The following RBFOX1 variants were observed in gnomAD, a reference collection of about 807,000 sequenced individuals.
RBFOX1 encodes RNA binding fox-1 homolog 1, also known as RNA binding protein fox-1 homolog 1.
In RBFOX1, 8 loss-of-function variants were observed where a neutral mutation model predicts 57.7. The observed-to-expected ratio is 0.14, with a 90% CI of 0.08 to 0.25. The LOEUF (loss-of-function observed/expected upper bound fraction) is 0.25, where lower values mean the gene tolerates loss of function less well. Among genes scored for constraint, RBFOX1 ranks in the 10% least tolerant of loss-of-function variants. The pLI, the probability that RBFOX1 is intolerant of heterozygous loss-of-function variation, is 1.00. For synonymous variants in RBFOX1, 326 were observed against 222.4 expected (o/e 1.47, Z -4.15); for missense variants, 611 against 548.5 (o/e 1.11, Z -1.14).
intron 3 of RBFOX1, among the ~76,000 whole-genome samples, chr16:5,669,307 C>T (rs1211651323): frequency 2.6e-5 from 4 of 152,198 alleles, no homozygotes; most frequent in Admixed American, 6.5e-5. Context: ...GCCTACCCAG[C>T]AGCAGGAGGG....
intron 3 of RBFOX1, among the ~76,000 whole-genome samples, chr16:6,875,219 T>A (rs1207070905): frequency 6.6e-6 from 1 of 152,220 alleles, no homozygotes; most frequent in East Asian, 1.9e-4. Context: ...ATGATGATGA[T>A]ATTATCACTA....
chr16:6,966,262 G>C (rs1388706388), intron 3 of RBFOX1, among the ~76,000 whole-genome samples: 2 of 152,110 alleles, frequency 1.3e-5, no homozygotes, highest in East Asian at 3.9e-4. Context: ...AGGGTAAAAT[G>C]AGCCTCCCGT....
chr16:7,346,378 G>C (rs1381185478), intron 4 of RBFOX1, among the ~76,000 whole-genome samples: 1 of 151,720 alleles, frequency 6.6e-6, no homozygotes, highest in African/African-American at 2.4e-5. Flanking sequence ...TTTAGTATTT[G>C]GTTCTAGCAA....
chr16:6,710,946 T>G (rs1041052111), intron 3 of RBFOX1, among the ~76,000 whole-genome samples: 2 of 152,210 alleles, frequency 1.3e-5, no homozygotes, highest in Non-Finnish European at 2.9e-5. Flanking sequence ...CCATGAAGGC[T>G]ACATGTAACG....
At chr16:6,207,335 G>A (rs544148662) in intron 1 of RBFOX1, among the ~76,000 whole-genome samples, 3 of 152,260 alleles carry the variant, frequency 2.0e-5, no homozygotes, top group African/African-American at 7.2e-5. Context: ...AAATGAGGCT[G>A]ATAAAATTAT....
chr16:7,476,455 G>A (rs2062726539), intron 4 of RBFOX1, among the ~76,000 whole-genome samples: 1 of 151,902 alleles, frequency 6.6e-6, no homozygotes, highest in African/African-American at 2.4e-5. Context: ...ATAAATGTTG[G>A]TTATTCTTAC....
At chr16:6,922,390 G>A (rs964756614) in intron 3 of RBFOX1, among the ~76,000 whole-genome samples, 3 of 152,280 alleles carry the variant, frequency 2.0e-5, no homozygotes, top group East Asian at 1.9e-4. Flanking sequence ...TCTGCCACCC[G>A]GCACAGCAGT....
upstream of RBFOX1, among the ~76,000 whole-genome samples, chr16:6,015,704 ACT>A (rs1350809328): frequency 6.6e-6 from 1 of 151,648 alleles, no homozygotes; most frequent in Non-Finnish European, 1.5e-5. Flanking sequence ...CCATCACCCA[ACT>A]CTCTGTGGAA....
intron 4 of RBFOX1, among the ~76,000 whole-genome samples, chr16:7,086,829 G>C (rs199559890): frequency 1.3e-5 from 2 of 152,092 alleles, no homozygotes; most frequent in Admixed American, 6.5e-5. Flanking sequence ...AAGTCTTCTT[G>C]AAGCTTTCCA....
At chr16:6,448,156 C>CTTTCTTTTTTTTTTTTTT (rs2094523593) in intron 2 of RBFOX1, among the ~76,000 whole-genome samples, 1 of 78,460 alleles carries the variant, frequency 1.3e-5, no homozygotes, top group African/African-American at 5.6e-5. Context: ...TCTTTTCTTT[C>CTTTCTTTTTTTTTTTTTT]TTTTTTTTTT....
rs575810308 is a variant in RBFOX1 at position 5,462,224 on chromosome 16, A to G, written c.220-4992A>G. The stretch of plus-strand genomic sequence containing the variant: ...CGCTCTGTCACCCAGGCTGGAGTGC[A>G]GCGGCACTATCTCGGCTCACTGCAA... On this transcript the variant is annotated intron_variant, in intron 1 of 2. Transcript: ENST00000585867. Among the ~76,000 whole-genome samples, 12 of 140,298 alleles carry G rather than the reference A, an allele frequency of 8.6e-5. No homozygotes were observed. The East Asian group carries it at 2.5e-3, about 30-fold the overall frequency. 92.0% of individuals were successfully genotyped at this position (140,298 alleles called of 152,430 possible).
intron 14 of RBFOX1, among the ~76,000 whole-genome samples, chr16:7,702,385 G>A (rs558970407): frequency 2.6e-4 from 40 of 152,046 alleles, no homozygotes; most frequent in Admixed American, 5.2e-4. Context: ...GGACCTCTCT[G>A]CAGTTGCAGA....
At chr16:5,360,692 T>C (rs984178299) in intron 1 of RBFOX1, among the ~76,000 whole-genome samples, 10 of 152,168 alleles carry the variant, frequency 6.6e-5, no homozygotes, top group Non-Finnish European at 1.5e-4. Flanking sequence ...TGTAAGGACG[T>C]AGGGAAACTG....
At chr16:7,225,001 C>G (rs1484518372) in intron 4 of RBFOX1, among the ~76,000 whole-genome samples, 1 of 152,142 alleles carries the variant, frequency 6.6e-6, no homozygotes, top group Non-Finnish European at 1.5e-5. Flanking sequence ...AAGCACTATG[C>G]TAAGACATTT....
intron 12 of RBFOX1, among the ~76,000 whole-genome samples, chr16:7,660,939 T>C (rs187280457): frequency 3.3e-5 from 5 of 152,250 alleles, no homozygotes; most frequent in African/African-American, 1.2e-4. Context: ...TCTCTTTCAG[T>C]TTCTACATGT....
intron 3 of RBFOX1, among the ~76,000 whole-genome samples, chr16:6,780,345 A>ATT (rs2080659754): frequency 1.2e-5 from 1 of 80,558 alleles, no homozygotes; most frequent in African/African-American, 7.8e-5. Context: ...ATACATATTT[A>ATT]TATACATATT....
intron 3 of RBFOX1, among the ~76,000 whole-genome samples, chr16:7,028,790 A>T (rs898958266): frequency 6.6e-6 from 1 of 151,524 alleles, no homozygotes; most frequent in African/African-American, 2.4e-5. Flanking sequence ...ACCATGGAAC[A>T]TCCAAACATT....
chr16:7,368,934 G>A (rs936966249), intron 4 of RBFOX1, among the ~76,000 whole-genome samples: 1 of 152,114 alleles, frequency 6.6e-6, no homozygotes, highest in South Asian at 2.1e-4. Context: ...ATTTTTTGTG[G>A]AATGAGAAGG....
At chr16:7,280,857 A>T (rs909573732) in intron 4 of RBFOX1, among the ~76,000 whole-genome samples, 21 of 151,782 alleles carry the variant, frequency 1.4e-4, no homozygotes, top group Admixed American at 3.9e-4. Context: ...CTGCTTGAGA[A>T]CCGCTATCCT....
Sources: gnomAD v4.1 joint callset for allele counts (sites outside exome capture counted in the v4.1 genomes callset) on GRCh38, gnomAD v4.1.1 for gene constraint, MANE v1.5 for transcripts, NCBI Gene and HGNC (gene_info 2026-07-23, HGNC 2026-07-21) for gene names.